PDZRN3: variants seen among roughly 807,000 people sequenced by gnomAD.
PDZRN3 encodes the protein E3 ubiquitin-protein ligase PDZRN3.
A neutral mutation model predicts 85.7 loss-of-function variants in PDZRN3; 38 were observed. The observed-to-expected ratio is 0.44, with a 90% confidence interval of 0.34 to 0.58. The LOEUF (loss-of-function observed/expected upper bound fraction) is 0.58. Among genes scored for constraint, PDZRN3 ranks in the 20% least tolerant of loss-of-function variants. The pLI, the probability that PDZRN3 is intolerant of heterozygous loss-of-function variation, is 0.01. For missense variants in PDZRN3, 1,629 were observed against 1,506.4 expected, an observed-to-expected ratio of 1.08 and a Z score of -1.35; for synonymous variants, 759 against 638.0, an observed-to-expected ratio of 1.19 and a Z score of -2.86.
chr3:73,413,349 G>A (rs1702010549), intron 3 of PDZRN3, among the ~76,000 whole-genome samples: 1 of 152,174 alleles, frequency 6.6e-6, no homozygotes. Flanking sequence ...ATGAAAAGCA[G>A]TTTATATTGC....
At chr3:73,589,753 TA>T (rs1183331178) in intron 3 of PDZRN3, among the ~76,000 whole-genome samples, 1 of 152,216 alleles carries the variant, frequency 6.6e-6, no homozygotes, top group Non-Finnish European at 1.5e-5. Flanking sequence ...ACACAGACTA[TA>T]TACAAAACAG....
intron 3 of PDZRN3, among the ~76,000 whole-genome samples, chr3:73,449,506 T>C (rs1702815662): frequency 6.6e-6 from 1 of 152,208 alleles, no homozygotes; most frequent in Non-Finnish European, 1.5e-5. Context: ...TGGATGCATA[T>C]TGATTTCTGA....
At chr3:73,551,864 T>C (rs1161721508) in intron 3 of PDZRN3, among the ~76,000 whole-genome samples, 1 of 152,164 alleles carries the variant, frequency 6.6e-6, no homozygotes, top group African/African-American at 2.4e-5. Flanking sequence ...TTTATTTATT[T>C]TTCATAGCAA....
At chr3:73,526,951 C>A (rs867020746) in intron 3 of PDZRN3, among the ~76,000 whole-genome samples, 3 of 152,092 alleles carry the variant, frequency 2.0e-5, no homozygotes, top group African/African-American at 7.2e-5. Context: ...TGGGTTCAAG[C>A]GGCTCTCCTG....
chr3:73,541,415 C>A (rs1025537674), intron 3 of PDZRN3, among the ~76,000 whole-genome samples: 1 of 152,178 alleles, frequency 6.6e-6, no homozygotes, highest in African/African-American at 2.4e-5. Context: ...ATTCATTTAA[C>A]CCACATAAGC....
intron 3 of PDZRN3, among the ~76,000 whole-genome samples, chr3:73,582,523 G>T (rs1702216312): frequency 6.6e-6 from 1 of 151,936 alleles, no homozygotes; most frequent in African/African-American, 2.4e-5. Flanking sequence ...ATATACAGTT[G>T]GCTAAATGTT....
At chr3:73,453,223 T>C (rs981425142) in intron 3 of PDZRN3, among the ~76,000 whole-genome samples, 4 of 151,844 alleles carry the variant, frequency 2.6e-5, no homozygotes, top group Non-Finnish European at 5.9e-5. Flanking sequence ...CTGGCCAACA[T>C]GGTGAAACCC....
intron 3 of PDZRN3, among the ~76,000 whole-genome samples, chr3:73,485,896 G>A (rs1427970614): frequency 6.6e-6 from 1 of 152,156 alleles, no homozygotes; most frequent in Non-Finnish European, 1.5e-5. Context: ...CAACCAAAAG[G>A]CAGTCCATAT....
chr3:73,460,521 C>A (rs1027330045), intron 3 of PDZRN3, among the ~76,000 whole-genome samples: 3 of 152,198 alleles, frequency 2.0e-5, no homozygotes, highest in African/African-American at 7.2e-5. Context: ...AAACGACAGG[C>A]TTCTTACAAA....
intron 3 of PDZRN3, chr3:73,474,463 A>G (rs1703409652): frequency 7.8e-7 from 1 of 1,284,602 alleles, no homozygotes; most frequent in Admixed American, 2.3e-5. Flanking sequence ...ACCAAATACC[A>G]TCTTCCACCA....
At chr3:73,467,738 T>C (rs1703249792) in intron 3 of PDZRN3, among the ~76,000 whole-genome samples, 2 of 152,260 alleles carry the variant, frequency 1.3e-5, no homozygotes, top group African/African-American at 4.8e-5. Context: ...TTCATTTTTA[T>C]GGCTATTCCC....
intron 5 of PDZRN3, among the ~76,000 whole-genome samples, chr3:73,394,072 A>T (rs1413442199): frequency 6.6e-6 from 1 of 152,118 alleles, no homozygotes; most frequent in Admixed American, 6.6e-5. Flanking sequence ...ATCAGGGAGA[A>T]AACTTTCTTA....
intron 6 of PDZRN3, among the ~76,000 whole-genome samples, chr3:73,390,513 A>T (rs889394115): frequency 5.3e-5 from 8 of 152,156 alleles, no homozygotes; most frequent in Non-Finnish European, 2.9e-5. Context: ...AAATCAGTTG[A>T]TTTGTATTAT....
intron 3 of PDZRN3, among the ~76,000 whole-genome samples, chr3:73,601,769 G>C (rs139550706): frequency 1.3e-3 from 193 of 152,254 alleles, no homozygotes; most frequent in Non-Finnish European, 2.4e-3. Context: ...CTGTATAAAA[G>C]TTTGAAATGA....
intron 3 of PDZRN3, among the ~76,000 whole-genome samples, chr3:73,469,008 C>T (rs567650950): frequency 6.6e-6 from 1 of 151,910 alleles, no homozygotes; most frequent in South Asian, 2.1e-4. Context: ...TATGATTATA[C>T]TTATTATTAC....
chr3:73,404,799 G>A (rs1575627036), intron 3 of PDZRN3, among the ~76,000 whole-genome samples: 1 of 152,232 alleles, frequency 6.6e-6, no homozygotes, highest in African/African-American at 2.4e-5. Flanking sequence ...TGTGTCAGAT[G>A]ATACCAGTCT....
At chr3:73,529,353 G>T (rs1269996634) in intron 3 of PDZRN3, among the ~76,000 whole-genome samples, 1 of 152,156 alleles carries the variant, frequency 6.6e-6, no homozygotes, top group African/African-American at 2.4e-5. Flanking sequence ...CCAAGCCAGG[G>T]CAAACAAACA....
intron 3 of PDZRN3, among the ~76,000 whole-genome samples, chr3:73,475,613 T>G (rs891934248): frequency 2.6e-5 from 4 of 152,180 alleles, no homozygotes; most frequent in African/African-American, 9.7e-5. Context: ...AATACTGCAG[T>G]GAATCCATCC....
intron 3 of PDZRN3, among the ~76,000 whole-genome samples, chr3:73,527,306 A>G (rs967890721): frequency 2.0e-5 from 3 of 152,186 alleles, no homozygotes; most frequent in Non-Finnish European, 4.4e-5. Context: ...TCCTCCGCAT[A>G]GGATATGAAC....
Sources: gnomAD v4.1 joint callset for allele counts (sites outside exome capture counted in the v4.1 genomes callset) on GRCh38, gnomAD v4.1.1 for gene constraint, MANE v1.5 for transcripts, NCBI Gene and HGNC (gene_info 2026-07-23, HGNC 2026-07-21) for gene names.